SNX19: variants seen among roughly 807,000 people sequenced by gnomAD.
The protein encoded by SNX19 is sorting nexin-19.
Under a neutral mutation model 85.2 loss-of-function variants are expected in SNX19, and 60 were observed. That is an observed-to-expected ratio of 0.70 (90% CI 0.57 to 0.87). The LOEUF is 0.87. Among genes scored for constraint, SNX19 ranks in the 40% least tolerant of loss-of-function variants. The probability of loss-of-function intolerance (pLI) is 0.00; values close to 1 mark genes in which losing one functional copy is unlikely to be tolerated. For missense variants in SNX19, 1,201 were observed against 1,217.8 expected (o/e 0.99, Z 0.21); for synonymous variants, 520 against 470.0 (o/e 1.11, Z -1.38).
intron 4 of SNX19, 153 bp from the exon 5 acceptor site, chr11:130,908,236 G>A: frequency 1.4e-6 from 1 of 701,468 alleles, no homozygotes; most frequent in Non-Finnish European, 2.2e-6. Flanking sequence ...TCGAATACCA[G>A]CTAATGACTT....
At chr11:130,908,531 T>C (rs1945848341) in intron 4 of SNX19, among the ~76,000 whole-genome samples, 1 of 152,140 alleles carries the variant, frequency 6.6e-6, no homozygotes. Flanking sequence ...AAAATAAAAA[T>C]AACAGTTAAG....
At chr11:130,883,393 A>C (rs181777655) in intron 8 of SNX19, among the ~76,000 whole-genome samples, 1 of 152,336 alleles carries the variant, frequency 6.6e-6, no homozygotes, top group Admixed American at 6.5e-5. Context: ...TACAAGGCAC[A>C]GAACTGGCCA....
intron 8 of SNX19, among the ~76,000 whole-genome samples, chr11:130,884,879 A>G (rs1028962480): frequency 2.9e-4 from 44 of 151,408 alleles, no homozygotes; most frequent in African/African-American, 9.9e-4. Flanking sequence ...CTCAAAAAAA[A>G]AAAAAAAAAA....
At chr11:130,888,626 A>AGAAATAAATT (rs1430044082) in intron 8 of SNX19, among the ~76,000 whole-genome samples, 2 of 152,190 alleles carry the variant, frequency 1.3e-5, no homozygotes, top group Non-Finnish European at 2.9e-5. Flanking sequence ...CTATTTCGTC[A>AGAAATAAATT]TCTGCTTCAG....
intron 2 of SNX19, 134 bp downstream of exon 2, chr11:130,911,499 C>T (rs1946122678): frequency 2.0e-6 from 3 of 1,510,412 alleles, no homozygotes; most frequent in African/African-American, 2.8e-5. Flanking sequence ...TTCAAAACTC[C>T]TGAAGCAAAT....
rs949575974 is a variant in SNX19 at position 130,869,727 on chromosome 11, G to A, written c.*8695C>T. ...GGTCGGTAGTTATTCTGACTTCACA[G>A]AAGGGAATATCTGGCCAACTTTCCT... On this transcript the variant is annotated 3_prime_UTR_variant, in exon 11 of 11. Transcript: ENST00000265909. 2.0e-5 allele frequency: 3 copies of A among 152,160 alleles called. No homozygotes were observed. Among genetic ancestry groups the A allele is most frequent in the Admixed American group, 2.0e-4 (3 of 15,280 alleles). The allele number at this position is 152,160 out of a possible 1,614,324, so 9.4% of individuals were successfully genotyped here.
intron 1 of SNX19, among the ~76,000 whole-genome samples, chr11:130,913,181 A>G (rs112375485): frequency 3.9e-5 from 6 of 152,322 alleles, no homozygotes; most frequent in African/African-American, 1.2e-4. Flanking sequence ...CAGTATTGGA[A>G]TAGTCATTAA....
chr11:130,904,704 G>T (rs55675642), intron 7 of SNX19, among the ~76,000 whole-genome samples: 95,042 of 149,848 alleles, frequency 0.63, 30,338 homozygotes, highest in South Asian at 0.8. Context: ...ATTTTTTTTT[G>T]TTTTTTATAA....
chr11:130,911,911 G>A, intron 1 of SNX19, 140 bp from the exon 2 acceptor site: 1 of 784,838 alleles, frequency 1.3e-6, no homozygotes, highest in Non-Finnish European at 2.0e-6. Context: ...TTCCTATTCT[G>A]TTCCAGAACC....
Position 130,911,711 on chromosome 11 carries a change from C to T in SNX19, c.1735G>A (p.Val579Met). The T allele has an allele frequency of 6.2e-7, 1 of 1,614,206 alleles. No individual in the cohort carries two copies. Among genetic ancestry groups the T allele is most frequent in the South Asian group, 1.1e-5 (1 of 91,080 alleles). ...AAGAACTCCCGATAGCGACGATTCA[C>T]AGTGTGGTAGGCCAGCTGCTGCAGG... ...SGLQQLAYHT[V>M]NRRYREFLNL... The change falls in exon 2 of 11, where the codon GTG becomes ATG. Residue 579 changes from valine to methionine, a missense_variant. Val to Met is a conservative substitution (Grantham distance 21). Transcript: ENST00000265909.
chr11:130,893,658 G>A (rs1269801399), intron 8 of SNX19: 4 of 616,508 alleles, frequency 6.5e-6, no homozygotes, highest in Non-Finnish European at 5.8e-6. Context: ...AGGAACTTTG[G>A]GAGCACTGAC....
At position 130,915,856 on chromosome 11, in the gene SNX19, C is replaced by T; in HGVS notation, c.84G>A (p.Lys28=). ...CHLNNLLSSR[K]LMAVGVLLGW... is the part of the protein sequence containing the mutation. The stretch of plus-strand genomic sequence containing the variant: ...CAAGCAAGACCCCCACAGCCATCAG[C>T]TTCCGGCTACTCAACAGGTTATTGA... Residue 28 remains lysine (K), a synonymous_variant, in exon 1 of 11, where the codon AAG becomes AAA. Coordinates refer to ENST00000265909, the MANE Select transcript of SNX19 (RefSeq NM_014758.3). 6.2e-7 allele frequency: 1 copy of T among 1,614,248 alleles called. No homozygotes were observed. Among genetic ancestry groups the T allele is most frequent in the Non-Finnish European group, 8.5e-7 (1 of 1,180,048 alleles).
rs149393735 is a variant in SNX19 at position 130,906,738 on chromosome 11, G to A, written c.2166-17C>T. On this transcript the variant is annotated splice_polypyrimidine_tract_variant and intron_variant, in intron 5 of 10. Coordinates refer to ENST00000265909, the MANE Select transcript of SNX19 (RefSeq NM_014758.3). ...AGCCTAGACCTGGTACAGAAACAAA[G>A]AGCAGAAACAGGTTGTAATTTATGG... 14 of 1,574,276 alleles carry A rather than the reference G, an allele frequency of 8.9e-6. No homozygotes were observed. The highest frequency in any genetic ancestry group is 1.2e-5 in the Non-Finnish European group (14 of 1,144,514).
intron 4 of SNX19, chr11:130,908,323 G>GA: frequency 3.1e-6 from 1 of 321,270 alleles, no homozygotes; most frequent in Non-Finnish European, 5.6e-6. Flanking sequence ...AACGCCATGG[G>GA]AAAAGAAGCC....
At position 130,869,409 on chromosome 11, in the gene SNX19, A is replaced by C. The variant is rs1447796188; in HGVS notation, c.*9013T>G. 1 of 152,236 alleles carries C rather than the reference A, an allele frequency of 6.6e-6. No individual in the cohort carries two copies. The highest frequency in any genetic ancestry group is 1.9e-4 in the East Asian group (1 of 5,200). 9.4% of individuals were successfully genotyped at this position (152,236 alleles called of 1,614,324 possible). On this transcript the variant is annotated 3_prime_UTR_variant, in exon 11 of 11. Coordinates refer to ENST00000265909, the MANE Select transcript of SNX19 (RefSeq NM_014758.3). ...TACATGTCATCTTTCCCATTTGAGC[A>C]TTAATTACTCAGTATTTTCTCATCA...
chr11:130,905,229 C>A (rs898637250), intron 7 of SNX19, among the ~76,000 whole-genome samples: 1 of 152,016 alleles, frequency 6.6e-6, no homozygotes, highest in Admixed American at 6.5e-5. Context: ...AATTGCTCTG[C>A]CTCCAATGCA....
chr11:130,909,001 G>C (rs147252392), intron 4 of SNX19, among the ~76,000 whole-genome samples: 1 of 152,180 alleles, frequency 6.6e-6, no homozygotes, highest in Non-Finnish European at 1.5e-5. Flanking sequence ...AGTAAAGACT[G>C]GGGGAGAACA....
rs760733371 is a variant in SNX19 at position 130,911,769 on chromosome 11, G to A, written c.1677C>T (p.Tyr559=). The change falls in exon 2 of 11, where the codon TAC becomes TAT. Residue 559 remains tyrosine (Y), a splice_region_variant and synonymous_variant. Transcript: ENST00000265909. ...FHPYTLYTVK[Y]ETALDGENSS... ...TGTTTTCACCGTCAAGGGCTGTCTC[G>A]TACTGTTCAACGAACAAATTGATTG... is the stretch of plus-strand genomic sequence containing the variant. 10 of 1,613,746 alleles carry A rather than the reference G, an allele frequency of 6.2e-6. No homozygotes were observed. The highest frequency in any genetic ancestry group is 1.1e-5 in the South Asian group (1 of 91,076).
rs1942785887 is a variant in SNX19 at position 130,866,886 on chromosome 11, T to C, written c.*11536A>G. 1 of 152,266 alleles carries C rather than the reference T, an allele frequency of 6.6e-6. No individual in the cohort carries two copies. Among genetic ancestry groups the C allele is most frequent in the South Asian group, 2.1e-4 (1 of 4,834 alleles). The allele number at this position is 152,266 out of a possible 1,614,324, so 9.4% of individuals were successfully genotyped here. ...TTGCTAATAATAATGACATTTATTA[T>C]GCACTGTGTGCTAGAGGTTGTTCTT... On this transcript the variant is annotated 3_prime_UTR_variant, in exon 11 of 11. Transcript: ENST00000265909.
Sources: allele counts gnomAD v4.1 joint callset (sites outside exome capture counted in the v4.1 genomes callset), GRCh38; gene constraint gnomAD v4.1.1; transcripts MANE v1.5; gene names NCBI Gene and HGNC (gene_info 2026-07-23, HGNC 2026-07-21).